Variants in KLHL1 observed in about 807,000 individuals in gnomAD.
KLHL1 encodes kelch-like protein 1.
In KLHL1, 47 loss-of-function variants were observed where a neutral mutation model predicts 77.7. The observed-to-expected ratio is 0.60, with a 90% CI of 0.48 to 0.77. KLHL1 has a LOEUF of 0.77. Among genes scored for constraint, KLHL1 ranks in the 30% least tolerant of loss-of-function variants. The pLI is 0.00. For missense variants in KLHL1, 925 were observed against 910.8 expected (o/e 1.02, Z -0.20); for synonymous variants, 360 against 325.2 (o/e 1.11, Z -1.15).
At chr13:69,936,402 A>C (rs1021546820) in intron 4 of KLHL1, among the ~76,000 whole-genome samples, 4 of 141,540 alleles carry the variant, frequency 2.8e-5, no homozygotes, top group Non-Finnish European at 6.3e-5. Context: ...CAGTCTGACC[A>C]ACAAGGTGAA....
chr13:69,908,258 G>A (rs752554563), intron 4 of KLHL1, among the ~76,000 whole-genome samples: 6 of 151,610 alleles, frequency 4.0e-5, no homozygotes, highest in Non-Finnish European at 8.8e-5. Flanking sequence ...GAGTGAGAGG[G>A]ATAGAGAGAG....
At chr13:69,825,968 G>A (rs1878527154) in intron 6 of KLHL1, among the ~76,000 whole-genome samples, 1 of 143,408 alleles carries the variant, frequency 7.0e-6, no homozygotes, top group South Asian at 2.3e-4. Flanking sequence ...ACATATTATG[G>A]CCTAGAAATA....
intron 6 of KLHL1, among the ~76,000 whole-genome samples, chr13:69,827,729 C>CA (rs58504097): frequency 0.067 from 4,834 of 71,726 alleles, 236 homozygotes; most frequent in African/African-American, 0.092. Context: ...GACCCTGTCT[C>CA]AAAAAAAAAA....
At chr13:69,968,093 T>C (rs1026804833) in intron 2 of KLHL1, among the ~76,000 whole-genome samples, 4 of 151,740 alleles carry the variant, frequency 2.6e-5, no homozygotes, top group African/African-American at 9.7e-5. Context: ...CATCCTATTT[T>C]AAGAATGGCC....
rs186845875 is a variant in KLHL1 at position 69,993,708 on chromosome 13, A to G, written c.498-17906T>C. 1.1e-3 allele frequency among the ~76,000 whole-genome samples: 161 copies of G among 152,078 alleles called. 2 individuals are homozygous for G. Among genetic ancestry groups the G allele is most frequent in the Non-Finnish European group, 1.7e-3 (116 of 67,960 alleles). On this transcript the variant is annotated intron_variant, in intron 1 of 10. Coordinates refer to ENST00000377844, the MANE Select transcript of KLHL1 (RefSeq NM_020866.3). The stretch of plus-strand genomic sequence containing the variant: ...ATTTTTCTCATCTGGATGCCTTATT[A>G]TTTAATTTGTTCCCCAAATACTGCA...
At chr13:69,733,478 T>A (rs1025039213) in intron 8 of KLHL1, among the ~76,000 whole-genome samples, 7 of 152,288 alleles carry the variant, frequency 4.6e-5, no homozygotes, top group African/African-American at 1.4e-4. Context: ...TGGAAATGAT[T>A]AATTTTCAGA....
At chr13:69,818,217 A>ATTTTTTTTTTTTTTTT (rs1878195724) in intron 6 of KLHL1, among the ~76,000 whole-genome samples, 3 of 124,428 alleles carry the variant, frequency 2.4e-5, no homozygotes, top group African/African-American at 1.2e-4. Context: ...ACTCATAGGC[A>ATTTTTTTTTTTTTTTT]TCTTTTTTTT....
intron 6 of KLHL1, among the ~76,000 whole-genome samples, chr13:69,812,541 A>G (rs888509963): frequency 1.3e-5 from 2 of 152,196 alleles, no homozygotes; most frequent in African/African-American, 4.8e-5. Context: ...ACAGCAACCT[A>G]CAGAATGGGA....
At chr13:69,773,863 C>CTATATATATATATATATATA (rs72007331) in intron 7 of KLHL1, among the ~76,000 whole-genome samples, 4 of 145,970 alleles carry the variant, frequency 2.7e-5, no homozygotes, top group African/African-American at 1.0e-4. Flanking sequence ...AAGTCCTTGG[C>CTATATATATATATATATATA]TATATATATA....
At chr13:69,923,756 G>T (rs142881771) in intron 4 of KLHL1, among the ~76,000 whole-genome samples, 1 of 152,110 alleles carries the variant, frequency 6.6e-6, no homozygotes, top group Admixed American at 6.5e-5. Context: ...AGTGGAGGAG[G>T]TGCAGCCAGG....
At chr13:69,738,222 A>T (rs1873844186) in intron 8 of KLHL1, among the ~76,000 whole-genome samples, 2 of 152,272 alleles carry the variant, frequency 1.3e-5, no homozygotes, top group South Asian at 4.1e-4. Context: ...AAAAGACCCC[A>T]TAAAAACCCC....
intron 7 of KLHL1, among the ~76,000 whole-genome samples, chr13:69,763,133 T>G (rs1875106919): frequency 6.6e-6 from 1 of 152,176 alleles, no homozygotes; most frequent in African/African-American, 2.4e-5. Context: ...CAGATTCTAC[T>G]GCAAAGGCCA....
intron 7 of KLHL1, among the ~76,000 whole-genome samples, chr13:69,794,890 TTAA>T (rs922711400): frequency 1.3e-4 from 20 of 152,038 alleles, no homozygotes; most frequent in African/African-American, 3.6e-4. Context: ...AAAATAAAAC[TTAA>T]TAATATGATA....
intron 1 of KLHL1, among the ~76,000 whole-genome samples, chr13:70,010,606 T>G (rs1440135489): frequency 6.6e-6 from 1 of 151,734 alleles, no homozygotes; most frequent in South Asian, 2.1e-4. Context: ...TAAACAAGAG[T>G]TCAGGCTGGG....
intron 1 of KLHL1, among the ~76,000 whole-genome samples, chr13:70,095,695 C>T (rs1213004017): frequency 1.3e-5 from 2 of 151,950 alleles, no homozygotes. Flanking sequence ...CATTCCAATT[C>T]CACTCTTTTA....
intron 1 of KLHL1, among the ~76,000 whole-genome samples, chr13:69,978,491 T>C (rs1441115631): frequency 1.7e-4 from 11 of 63,070 alleles, no homozygotes; most frequent in Non-Finnish European, 8.8e-5. Context: ...TCAGAATATT[T>C]TTTTTTTTTT....
At chr13:69,803,053 C>T (rs1877461239) in intron 6 of KLHL1, 1 of 152,146 alleles carries the variant, frequency 6.6e-6, no homozygotes, top group Non-Finnish European at 1.5e-5. Context: ...CAGAAGTATT[C>T]ATATAACCAA....
At chr13:69,942,212 A>G (rs1883385863) in intron 3 of KLHL1, among the ~76,000 whole-genome samples, 1 of 152,010 alleles carries the variant, frequency 6.6e-6, no homozygotes, top group African/African-American at 2.4e-5. Flanking sequence ...TAAAGCATAC[A>G]TTGCAGCTTT....
rs1034447161 is a variant in KLHL1, at chr13:69,757,004, T to C, written c.1640-16448A>G. 3.3e-5 allele frequency among the ~76,000 whole-genome samples: 5 copies of C among 152,170 alleles called. No individual in the cohort carries two copies. The East Asian group carries it at 7.7e-4, about 23-fold the overall frequency. On this transcript the variant is annotated intron_variant, in intron 7 of 10. Transcript: ENST00000377844. Reference sequence around the variant, plus strand: ...TTATTAGGCAAAGTATCTGGCAAAGTATTTTCTTGGTATTCAGTTAATTCT... The same window carrying C: ...TTATTAGGCAAAGTATCTGGCAAAGCATTTTCTTGGTATTCAGTTAATTCT...
Sources: gnomAD v4.1 joint callset for allele counts (sites outside exome capture counted in the v4.1 genomes callset) on GRCh38, gnomAD v4.1.1 for gene constraint, MANE v1.5 for transcripts, NCBI Gene and HGNC (gene_info 2026-07-23, HGNC 2026-07-21) for gene names.